B4GALNT2: variants seen among roughly 807,000 people sequenced by gnomAD.
B4GALNT2 encodes beta-1,4-N-acetyl-galactosaminyltransferase 2 (SID blood group), also known as N-acetylneuraminylgalactosylglucosyl-glucoside beta-1,4-N- acetylgalactosaminyltransferase 2.
Under a neutral mutation model 51.1 loss-of-function variants are expected in B4GALNT2, and 42 were observed. The observed-to-expected ratio is 0.82, with a 90% CI of 0.64 to 1.06. The LOEUF is 1.06. B4GALNT2 is among the 50% of genes least tolerant of loss of function. The probability of loss-of-function intolerance (pLI) is 0.00; values close to 1 mark genes in which losing one functional copy is unlikely to be tolerated. For synonymous variants in B4GALNT2, 253 were observed against 251.7 expected (o/e 1.01, Z -0.05); for missense variants, 602 against 633.6 (o/e 0.95, Z 0.54).
At chr17:49,128,041 T>C (rs2042519260), upstream of B4GALNT2, among the ~76,000 whole-genome samples, 1 of 152,206 alleles carries the variant, frequency 6.6e-6, no homozygotes. Flanking sequence ...TTAATTAAGC[T>C]GAGCACTCTT....
At chr17:49,129,054 G>A (rs1301294799), upstream of B4GALNT2, among the ~76,000 whole-genome samples, 2 of 152,210 alleles carry the variant, frequency 1.3e-5, no homozygotes, top group East Asian at 3.8e-4. Flanking sequence ...CGAGTACCAT[G>A]AGAAAGAAAG....
chr17:49,131,784 T>C (rs935985386), upstream of B4GALNT2, among the ~76,000 whole-genome samples: 1 of 152,138 alleles, frequency 6.6e-6, no homozygotes, highest in African/African-American at 2.4e-5. Context: ...GTGCTGGGAT[T>C]ACACACATGA....
At chr17:49,144,892 T>C (rs1397518221) in intron 3 of B4GALNT2, among the ~76,000 whole-genome samples, 1 of 152,172 alleles carries the variant, frequency 6.6e-6, no homozygotes, top group Admixed American at 6.5e-5. Flanking sequence ...GTTCCAAAAC[T>C]GAAGAAGCTG....
At chr17:49,142,303 A>G (rs2042652561) in intron 3 of B4GALNT2, 131 bp downstream of exon 3, 3 of 1,161,018 alleles carry the variant, frequency 2.6e-6, no homozygotes, top group African/African-American at 1.6e-5. Context: ...GGGAGGAACT[A>G]TTAGGAATGA....
At chr17:49,128,126 G>A (rs957939811), upstream of B4GALNT2, among the ~76,000 whole-genome samples, 27 of 152,098 alleles carry the variant, frequency 1.8e-4, no homozygotes, top group Admixed American at 5.9e-4. Context: ...GGTTATGTGC[G>A]GGAATTCCCT....
chr17:49,135,143 A>AT (rs148331756), intron 1 of B4GALNT2, among the ~76,000 whole-genome samples: 13,781 of 152,260 alleles, frequency 0.091, 840 homozygotes, highest in South Asian at 0.25. Context: ...TCTGGGTACC[A>AT]TTTTAGAAAA....
rs1390757820 is a variant in B4GALNT2 at position 49,176,399 on chromosome 17, TTAAC to T, written c.*6675_*6678del. ...AAGCATTGTTTCTAAAGATTATAGATTAACTAAAAGTATTCCTTATGGGAAACAA... is the reference window on the plus strand; with the variant it reads ...AAGCATTGTTTCTAAAGATTATAGATTAAAAGTATTCCTTATGGGAAACAA... On this transcript the variant is annotated 3_prime_UTR_variant, in exon 11 of 11. Transcript: ENST00000393354. 1.3e-5 allele frequency: 2 copies of T among 152,214 alleles called. No homozygotes were observed. The highest frequency in any genetic ancestry group is 2.9e-5 in the Non-Finnish European group (2 of 68,034). 9.4% of individuals were successfully genotyped at this position (152,214 alleles called of 1,614,324 possible). A position where few individuals can be genotyped will look rare whatever the true frequency, so the allele number is the denominator to read the frequency against.
chr17:49,166,084 A>G (rs2042908324), intron 8 of B4GALNT2, 30 bp from the exon 9 acceptor site: 1 of 1,606,810 alleles, frequency 6.2e-7, no homozygotes, highest in South Asian at 1.1e-5. Context: ...AATATGGGCA[A>G]CCACTCCTTT....
upstream of B4GALNT2, among the ~76,000 whole-genome samples, chr17:49,132,058 T>C (rs2144260595): frequency 6.6e-6 from 1 of 152,122 alleles, no homozygotes; most frequent in African/African-American, 2.4e-5. Context: ...GGGAGAATCA[T>C]TTGAGCGCTG....
chr17:49,171,521 T>C lies in B4GALNT2; in HGVS notation c.*1793T>C. The C allele has an allele frequency of 4.9e-6, 2 of 407,168 alleles. No homozygotes were observed. Among genetic ancestry groups the C allele is most frequent in the South Asian group, 3.6e-5 (2 of 55,076 alleles). 25.2% of individuals were successfully genotyped at this position (407,168 alleles called of 1,614,324 possible). A position where few individuals can be genotyped will look rare whatever the true frequency, so the allele number is the denominator to read the frequency against. Reference sequence around the variant, plus strand: ...TTTTGATCTTATTAACAGACATTAATAGTTTCCACAAATCCTTATGTTTAG... The same window carrying C: ...TTTTGATCTTATTAACAGACATTAACAGTTTCCACAAATCCTTATGTTTAG... On this transcript the variant is annotated 3_prime_UTR_variant, in exon 11 of 11. Coordinates refer to ENST00000393354, the MANE Select transcript of B4GALNT2 (RefSeq NM_001159387.2).
the B4GALNT2 span, among the ~76,000 whole-genome samples, chr17:49,121,378 AG>A: frequency 6.6e-6 from 1 of 152,202 alleles, no homozygotes; most frequent in African/African-American, 2.4e-5. Context: ...CAAGATGCAA[AG>A]GTAGCTTAAT....
upstream of B4GALNT2, among the ~76,000 whole-genome samples, chr17:49,131,187 AG>A (rs1197779410): frequency 2.6e-5 from 4 of 152,216 alleles, no homozygotes; most frequent in African/African-American, 9.7e-5. Context: ...GTAAGCAAGG[AG>A]GTGTTATACA....
In B4GALNT2 at chr17:49,170,672, C is replaced by G. The variant is rs1265117789; in HGVS notation, c.*944C>G. Reference sequence around the variant, plus strand: ...CCGAGACCAGCTTGGTCATGGAGACCCTAACCCAGTGGTGCTAGAGGAATT... The same window carrying G: ...CCGAGACCAGCTTGGTCATGGAGACGCTAACCCAGTGGTGCTAGAGGAATT... On this transcript the variant is annotated 3_prime_UTR_variant, in exon 11 of 11. Transcript: ENST00000393354. The G allele has an allele frequency of 2.0e-5, 3 of 152,120 alleles. No individual in the cohort carries two copies. Among genetic ancestry groups the G allele is most frequent in the African/African-American group, 7.2e-5 (3 of 41,392 alleles). 9.4% of individuals were successfully genotyped at this position (152,120 alleles called of 1,614,324 possible). A position where few individuals can be genotyped will look rare whatever the true frequency, so the allele number is the denominator to read the frequency against.
At chr17:49,157,425 A>C (rs749077226) in intron 5 of B4GALNT2, among the ~76,000 whole-genome samples, 25 of 147,582 alleles carry the variant, frequency 1.7e-4, no homozygotes, top group Non-Finnish European at 3.1e-4. Flanking sequence ...AGTTCAATCG[A>C]GTCTCCTGCC....
At position 49,150,102 on chromosome 17, in the gene B4GALNT2, C is replaced by T. The variant is rs543273854; in HGVS notation, c.354-2698C>T. On this transcript the variant is annotated intron_variant, in intron 3 of 10. Coordinates refer to ENST00000393354, the MANE Select transcript of B4GALNT2 (RefSeq NM_001159387.2). Reference sequence around the variant, plus strand: ...GTCAGCCCCCCACCTGGCCAGCCGCCCCGTCCAGGAGGTGAGGGGCGCCTC... The same window carrying T: ...GTCAGCCCCCCACCTGGCCAGCCGCTCCGTCCAGGAGGTGAGGGGCGCCTC... Among the ~76,000 whole-genome samples, 56 of 152,114 alleles carry T rather than the reference C, an allele frequency of 3.7e-4. 1 individual carries two copies. Among genetic ancestry groups the T allele is most frequent in the African/African-American group, 1.3e-3 (54 of 41,458 alleles).
At chr17:49,125,716 C>A in the B4GALNT2 span, among the ~76,000 whole-genome samples, 22 of 137,236 alleles carry the variant, frequency 1.6e-4, no homozygotes, top group African/African-American at 5.8e-4. Context: ...GGTCGGCCCC[C>A]GCCGGGCCGG....
chr17:49,142,044 G>GA lies in B4GALNT2; in HGVS notation c.230dup (p.Asn77LysfsTer6), dbSNP rs757732113. On this transcript the variant is annotated frameshift_variant, in exon 3 of 11. Coordinates refer to ENST00000393354, the MANE Select transcript of B4GALNT2 (RefSeq NM_001159387.2). LOFTEE classifies it high-confidence loss of function. ...CTCTTGCTTGTTTCAGGCTGTTCCC[G>GA]AAAAATCAGTGCAAATGTGAAGCCA... 2.8e-5 allele frequency: 45 copies of GA among 1,614,024 alleles called. No individual in the cohort carries two copies. The highest frequency in any genetic ancestry group is 3.7e-5 in the Non-Finnish European group (44 of 1,180,020).
intron 1 of B4GALNT2, 81 bp downstream of exon 1, chr17:49,132,887 A>G (rs893433693): frequency 2.9e-6 from 4 of 1,376,094 alleles, no homozygotes; most frequent in Non-Finnish European, 3.8e-6. Flanking sequence ...TGGCGTCTGC[A>G]GAGCGGGCAG....
chr17:49,130,062 G>T (rs151001172), upstream of B4GALNT2, among the ~76,000 whole-genome samples: 80 of 152,330 alleles, frequency 5.3e-4, no homozygotes, highest in African/African-American at 1.8e-3. Flanking sequence ...CTGAAAAAGA[G>T]TAAATATTCT....
Sources: allele counts gnomAD v4.1 joint callset (sites outside exome capture counted in the v4.1 genomes callset), GRCh38; gene constraint gnomAD v4.1.1; transcripts MANE v1.5; gene names NCBI Gene and HGNC (gene_info 2026-07-23, HGNC 2026-07-21).